PSPC1: variants seen among roughly 807,000 people sequenced by gnomAD.
PSPC1 encodes the protein paraspeckle protein 1.
A neutral mutation model predicts 51.6 loss-of-function variants in PSPC1; 14 were observed. The observed-to-expected ratio is 0.27, with a 90% confidence interval of 0.18 to 0.42. The LOEUF is 0.42. Ranked by LOEUF, PSPC1 falls within the 10% of genes least tolerant of loss-of-function variation. PSPC1 has a pLI of 1.00. For synonymous variants in PSPC1, 193 were observed against 231.9 expected (o/e 0.83, Z 1.53); for missense variants, 406 against 701.1 (o/e 0.58, Z 4.75).
chr13:19,757,577 A>G (rs1001497081), intron 3 of PSPC1, among the ~76,000 whole-genome samples: 1 of 152,186 alleles, frequency 6.6e-6, no homozygotes. Flanking sequence ...CAATTCAGCT[A>G]TAACAGGAAA....
chr13:19,775,320 C>CA (rs1758176524), intron 1 of PSPC1, among the ~76,000 whole-genome samples: 1 of 151,872 alleles, frequency 6.6e-6, no homozygotes, highest in African/African-American at 2.4e-5. Flanking sequence ...CCACTACACT[C>CA]ACGCCTGGGT....
At chr13:19,707,544 T>G (rs986214318) in intron 7 of PSPC1, among the ~76,000 whole-genome samples, 2 of 152,182 alleles carry the variant, frequency 1.3e-5, no homozygotes, top group Admixed American at 1.3e-4. Flanking sequence ...TACAAAACCA[T>G]TATGATGAAG....
At chr13:19,766,513 C>T (rs569725563) in intron 2 of PSPC1, among the ~76,000 whole-genome samples, 3 of 151,708 alleles carry the variant, frequency 2.0e-5, no homozygotes, top group African/African-American at 4.8e-5. Flanking sequence ...GGCCACATGG[C>T]GAAAATACAA....
intron 4 of PSPC1, among the ~76,000 whole-genome samples, chr13:19,745,650 C>T (rs1411498444): frequency 2.8e-5 from 4 of 145,414 alleles, no homozygotes; most frequent in South Asian, 4.3e-4. Flanking sequence ...ATGGGAGTCT[C>T]GCTCTGTCGC....
At chr13:19,780,878 C>G (rs912406322) in intron 1 of PSPC1, among the ~76,000 whole-genome samples, 4 of 152,136 alleles carry the variant, frequency 2.6e-5, no homozygotes, top group African/African-American at 9.7e-5. Context: ...AAGTTCCAGG[C>G]CGGACACAGT....
chr13:19,770,961 T>C (rs1366297612), intron 2 of PSPC1, among the ~76,000 whole-genome samples: 6 of 152,018 alleles, frequency 3.9e-5, no homozygotes, highest in Admixed American at 3.9e-4. Context: ...TTTATTATTT[T>C]ATTATTATTT....
Position 19,724,477 on chromosome 13 carries a change from A to G in PSPC1, c.1158+5762T>C, listed in dbSNP as rs183890988. ...AGGCAGGAAAAGAGGCTGACTGGTT[A>G]AAGAACAGGCCAGATTGGACAATAC... On this transcript the variant is annotated intron_variant, in intron 6 of 8. Transcript: ENST00000338910. 1.7e-3 allele frequency among the ~76,000 whole-genome samples: 261 copies of G among 152,360 alleles called. 1 individual carries two copies. Among genetic ancestry groups the G allele is most frequent in the Middle Eastern group, 3.4e-3 (1 of 294 alleles).
intron 1 of PSPC1, among the ~76,000 whole-genome samples, chr13:19,777,341 A>G (rs1889256811): frequency 6.7e-6 from 1 of 150,172 alleles, no homozygotes. Context: ...GAGGTAGGAG[A>G]ATCGCTTTAG....
In PSPC1 at chr13:19,703,817, A is replaced by T. The variant is rs374502494; in HGVS notation, c.1387-457T>A. Among the ~76,000 whole-genome samples, 32 of 152,314 alleles carry T rather than the reference A, an allele frequency of 2.1e-4. No homozygotes were observed. The East Asian group carries it at 3.5e-3, about 17-fold the overall frequency. ...CATTCTAAAAAAAAATCTTCACATC[A>T]ATTCCTTGAAGATAGAAAGCACTAA... On this transcript the variant is annotated intron_variant, in intron 8 of 8. Coordinates refer to ENST00000338910, the MANE Select transcript of PSPC1 (RefSeq NM_001354909.2).
chr13:19,674,081 T>A (rs189328824), downstream of PSPC1, among the ~76,000 whole-genome samples: 1 of 152,364 alleles, frequency 6.6e-6, no homozygotes, highest in Non-Finnish European at 1.5e-5. Context: ...ACAGATGGGA[T>A]GCATGGCTGT....
At chr13:19,685,346 T>A (rs1168346262) in intron 6 of PSPC1, among the ~76,000 whole-genome samples, 1 of 152,214 alleles carries the variant, frequency 6.6e-6, no homozygotes, top group Non-Finnish European at 1.5e-5. Context: ...TCAGGGCTCA[T>A]TAAAAGCACT....
At chr13:19,694,793 C>T (rs9579663) in intron 6 of PSPC1, among the ~76,000 whole-genome samples, 13,048 of 152,240 alleles carry the variant, frequency 0.086, 595 homozygotes, top group Middle Eastern at 0.13. Context: ...CTTACTTCAG[C>T]ACAACTCAAT....
In PSPC1 at chr13:19,734,598, T is replaced by A. The variant is rs552522986; in HGVS notation, c.1053-4254A>T. Among the ~76,000 whole-genome samples, 34 of 152,222 alleles carry A rather than the reference T, an allele frequency of 2.2e-4. 1 individual carries two copies. In the South Asian group the frequency reaches 6.8e-3, roughly 31 times the overall value. ...CGGCAGATCACCTGAGGTCAGGAGT[T>A]CGAGACGAGCCTGGCCAACATGGTG... On this transcript the variant is annotated intron_variant, in intron 5 of 8. Coordinates refer to ENST00000338910, the MANE Select transcript of PSPC1 (RefSeq NM_001354909.2).
Position 19,715,964 on chromosome 13 carries a change from A to G in PSPC1, c.1159-6365T>C, listed in dbSNP as rs1471086003. Among the ~76,000 whole-genome samples, 4 of 152,174 alleles carry G rather than the reference A, an allele frequency of 2.6e-5. No homozygotes were observed. In the South Asian group the frequency reaches 8.3e-4, roughly 31 times the overall value. ...GGGAGGCGGAGCTTGCAGTGAGCCA[A>G]GATCACGCCACTGCACTCCAGACTG... On this transcript the variant is annotated intron_variant, in intron 6 of 8. Coordinates refer to ENST00000338910, the MANE Select transcript of PSPC1 (RefSeq NM_001354909.2).
chr13:19,760,528 C>CA (rs1392875108), intron 2 of PSPC1, among the ~76,000 whole-genome samples: 1,287 of 108,862 alleles, frequency 0.012, 14 homozygotes, highest in African/African-American at 0.031. Context: ...ACTCTGTCAC[C>CA]AAAAAAAAAA....
At chr13:19,778,019 G>A (rs543563783) in intron 1 of PSPC1, among the ~76,000 whole-genome samples, 6 of 152,188 alleles carry the variant, frequency 3.9e-5, no homozygotes, top group South Asian at 2.1e-4. Flanking sequence ...CAAGGCGGGC[G>A]GATCACGAGG....
intron 6 of PSPC1, among the ~76,000 whole-genome samples, chr13:19,689,215 A>C (rs1290355105): frequency 6.6e-6 from 1 of 152,238 alleles, no homozygotes; most frequent in African/African-American, 2.4e-5. Flanking sequence ...CAGCCAGTTC[A>C]GACTAGAGCA....
chr13:19,675,582 TGAA>T (rs1234242680), intron 7 of PSPC1: 5 of 152,086 alleles, frequency 3.3e-5, no homozygotes, highest in African/African-American at 1.2e-4. Flanking sequence ...AATTCATAAA[TGAA>T]GAAAGATTTG....
chr13:19,710,198 T>C (rs1181713705), intron 6 of PSPC1, among the ~76,000 whole-genome samples: 3 of 152,216 alleles, frequency 2.0e-5, no homozygotes, highest in East Asian at 1.9e-4. Flanking sequence ...CGACATAACA[T>C]TGCTTTCCTT....
Sources: gnomAD v4.1 joint callset for allele counts (sites outside exome capture counted in the v4.1 genomes callset) on GRCh38, gnomAD v4.1.1 for gene constraint, MANE v1.5 for transcripts, NCBI Gene and HGNC (gene_info 2026-07-23, HGNC 2026-07-21) for gene names.